TTC28: variants seen among roughly 807,000 people sequenced by gnomAD.
TTC28 encodes tetratricopeptide repeat protein 28.
Under a neutral mutation model 198.0 loss-of-function variants are expected in TTC28, and 61 were observed. The observed-to-expected ratio is 0.31, with a 90% CI of 0.25 to 0.38. The LOEUF (loss-of-function observed/expected upper bound fraction) is 0.38, where lower values mean the gene tolerates loss of function less well. Among genes scored for constraint, TTC28 ranks in the 10% least tolerant of loss-of-function variants. The pLI is 1.00. For synonymous variants in TTC28, 1,171 were observed against 1,297.8 expected, an observed-to-expected ratio of 0.90 and a Z score of 2.10; for missense variants, 2,678 against 3,164.0, an observed-to-expected ratio of 0.85 and a Z score of 3.69.
chr22:28,148,561 C>G (rs573923639), intron 6 of TTC28, among the ~76,000 whole-genome samples: 1 of 144,306 alleles, frequency 6.9e-6, no homozygotes. Flanking sequence ...TGCAGTGAGC[C>G]AAGATTGCGT....
chr22:28,107,335 T>A lies in TTC28; in HGVS notation c.2510A>T (p.Tyr837Phe), dbSNP rs1432472409. ...CATCTTTGTGATGCCCATGTTGCCA[T>A]AGACCTGGGCTTCCAGACTCGGATC... ...LKDPSLEAQVYGNMGITKMNM... is the reference protein window; with the variant it reads ...LKDPSLEAQVFGNMGITKMNM... Residue 837 changes from tyrosine (Y) to phenylalanine (F), a missense_variant, in exon 7 of 23, where the codon TAT becomes TTT. Physicochemically the swap from Tyr to Phe is conservative, Grantham distance 22. This residue lies in a region of TTC28 where 775 missense variants were observed against 845.9 expected (regional missense o/e 0.92). Transcript: ENST00000397906. 1 of 1,551,900 alleles carries A rather than the reference T, an allele frequency of 6.4e-7. No homozygotes were observed. The highest frequency in any genetic ancestry group is 1.4e-5 in the African/African-American group (1 of 73,062).
chr22:28,317,265 T>C (rs910808051), intron 2 of TTC28, among the ~76,000 whole-genome samples: 1 of 152,214 alleles, frequency 6.6e-6, no homozygotes, highest in Admixed American at 6.5e-5. Flanking sequence ...TTGTTGTCTA[T>C]TGATTGATTT....
At chr22:28,227,890 C>T (rs1470866553) in intron 5 of TTC28, among the ~76,000 whole-genome samples, 4 of 152,264 alleles carry the variant, frequency 2.6e-5, no homozygotes, top group African/African-American at 9.6e-5. Flanking sequence ...GAATTGAAAG[C>T]AGGACCTCAA....
chr22:28,038,848 A>C (rs2146664144), intron 12 of TTC28, among the ~76,000 whole-genome samples: 1 of 152,358 alleles, frequency 6.6e-6, no homozygotes, highest in South Asian at 2.1e-4. Context: ...CCCCATCAAA[A>C]AGTGGGCAAA....
rs1463550211 is a variant in TTC28 at position 27,998,712 on chromosome 22, G to A, written c.4947C>T (p.Gly1649=). The A allele has an allele frequency of 3.7e-5, 57 of 1,550,860 alleles. No homozygotes were observed. The highest frequency in any genetic ancestry group is 2.2e-4 in the East Asian group (9 of 40,926). ...ACAGAGACACGAGGACACACTGAGCGCCGGCAGCCAGGAAGGCCCTTGTCA... is the reference window on the plus strand; with the variant it reads ...ACAGAGACACGAGGACACACTGAGCACCGGCAGCCAGGAAGGCCCTTGTCA... The part of the protein sequence containing the change: ...IALTRAFLAA[G]AQCVLVSLWP... The change falls in exon 16 of 23, where the codon GGC becomes GGT. Residue 1649 remains glycine (G), a synonymous_variant. Coordinates refer to ENST00000397906, the MANE Select transcript of TTC28 (RefSeq NM_001145418.2).
At chr22:28,545,502 C>G (rs1363315371) in intron 2 of TTC28, among the ~76,000 whole-genome samples, 1 of 152,132 alleles carries the variant, frequency 6.6e-6, no homozygotes, top group Non-Finnish European at 1.5e-5. Context: ...TCACTTGAGC[C>G]TAGGAGTTTG....
At position 28,397,350 on chromosome 22, in the gene TTC28, T is replaced by C. The variant is rs192881417; in HGVS notation, c.382-90707A>G. Among the ~76,000 whole-genome samples the C allele has an allele frequency of 2.1e-3, 325 of 152,250 alleles. 2 individuals carry two copies. The South Asian group carries it at 0.029, about 13-fold the overall frequency. On this transcript the variant is annotated intron_variant, in intron 2 of 22. Coordinates refer to ENST00000397906, the MANE Select transcript of TTC28 (RefSeq NM_001145418.2). ...GTTCTTACTGTCCTCACTTAACAGGTGAAAACACAAATTCACTGTACGGAA... is the reference window on the plus strand; with the variant it reads ...GTTCTTACTGTCCTCACTTAACAGGCGAAAACACAAATTCACTGTACGGAA...
intron 6 of TTC28, among the ~76,000 whole-genome samples, chr22:28,137,922 G>A (rs1943238868): frequency 6.6e-6 from 1 of 152,142 alleles, no homozygotes; most frequent in South Asian, 2.1e-4. Context: ...GGCTGAGGCA[G>A]GAGAGGCACT....
chr22:28,131,600 A>G (rs1943061239), intron 6 of TTC28, among the ~76,000 whole-genome samples: 1 of 152,230 alleles, frequency 6.6e-6, no homozygotes, highest in East Asian at 1.9e-4. Context: ...TACTGAATGT[A>G]TCACTTTTGA....
chr22:28,646,509 T>C (rs2051469475), intron 1 of TTC28, among the ~76,000 whole-genome samples: 3 of 152,188 alleles, frequency 2.0e-5, no homozygotes, highest in Admixed American at 2.0e-4. Context: ...CAGTGCAATT[T>C]CTATCAGGAT....
chr22:28,118,513 C>A (rs1942700681), intron 6 of TTC28, among the ~76,000 whole-genome samples: 1 of 151,942 alleles, frequency 6.6e-6, no homozygotes, highest in African/African-American at 2.4e-5. Context: ...TTTAGCATAC[C>A]TTCTCTATGT....
intron 2 of TTC28, among the ~76,000 whole-genome samples, chr22:28,521,137 T>C (rs2048897377): frequency 6.6e-6 from 1 of 152,000 alleles, no homozygotes; most frequent in Non-Finnish European, 1.5e-5. Flanking sequence ...CAGTGGCTCA[T>C]GCCTATAATC....
At chr22:28,601,871 A>T (rs1035135155) in intron 2 of TTC28, among the ~76,000 whole-genome samples, 11 of 151,866 alleles carry the variant, frequency 7.2e-5, no homozygotes, top group Admixed American at 6.6e-4. Flanking sequence ...TGACTGTTAT[A>T]TGTGAAATTA....
At chr22:28,097,737 T>C (rs922387767) in intron 10 of TTC28, among the ~76,000 whole-genome samples, 1 of 152,234 alleles carries the variant, frequency 6.6e-6, no homozygotes, top group Non-Finnish European at 1.5e-5. Flanking sequence ...CAAGGATGCC[T>C]TGCTTCCTGC....
chr22:28,436,874 T>TC (rs1472235321), intron 2 of TTC28, among the ~76,000 whole-genome samples: 1 of 152,234 alleles, frequency 6.6e-6, no homozygotes, highest in African/African-American at 2.4e-5. Flanking sequence ...ACTACAGTCT[T>TC]CTTTTTCATC....
At chr22:28,355,741 C>T (rs1281471327) in intron 2 of TTC28, among the ~76,000 whole-genome samples, 2 of 152,162 alleles carry the variant, frequency 1.3e-5, no homozygotes, top group African/African-American at 4.8e-5. Context: ...TGACAGCTGC[C>T]CCCAGCATGT....
chr22:28,189,968 G>C (rs952078194), intron 5 of TTC28, among the ~76,000 whole-genome samples: 1 of 152,120 alleles, frequency 6.6e-6, no homozygotes, highest in Non-Finnish European at 1.5e-5. Context: ...AAGATTCAAC[G>C]AGTCTAGTTA....
At chr22:28,128,242 C>A (rs756027092) in intron 6 of TTC28, among the ~76,000 whole-genome samples, 6 of 151,874 alleles carry the variant, frequency 4.0e-5, no homozygotes, top group Non-Finnish European at 8.8e-5. Flanking sequence ...TGCTTGAACC[C>A]AGGAGGCAGA....
intron 2 of TTC28, among the ~76,000 whole-genome samples, chr22:28,625,989 G>C (rs1429164440): frequency 6.6e-6 from 1 of 151,944 alleles, no homozygotes; most frequent in Non-Finnish European, 1.5e-5. Context: ...TCATTATCTG[G>C]AAAAAAATTA....
Sources: allele counts gnomAD v4.1 joint callset (sites outside exome capture counted in the v4.1 genomes callset), GRCh38; gene constraint gnomAD v4.1.1; regional missense constraint gnomAD v4.1.1; transcripts MANE v1.5; gene names NCBI Gene and HGNC (gene_info 2026-07-23, HGNC 2026-07-21).